MGAT4C: variants seen among roughly 807,000 people sequenced by gnomAD.
MGAT4C encodes alpha-1,3-mannosyl-glycoprotein 4-beta-N-acetylglucosaminyltransferase C.
A neutral mutation model predicts 40.1 loss-of-function variants in MGAT4C; 19 were observed. That is an observed-to-expected ratio of 0.47 (90% CI 0.33 to 0.70). The LOEUF (loss-of-function observed/expected upper bound fraction) is 0.70, where lower values mean the gene tolerates loss of function less well. Among genes scored for constraint, MGAT4C ranks in the 30% least tolerant of loss-of-function variants. MGAT4C has a pLI of 0.02. For synonymous variants in MGAT4C, 181 were observed against 187.1 expected (o/e 0.97, Z 0.27); for missense variants, 491 against 563.2 (o/e 0.87, Z 1.30).
intron 1 of MGAT4C, among the ~76,000 whole-genome samples, chr12:86,748,030 C>T (rs906356263): frequency 6.6e-6 from 1 of 151,660 alleles, no homozygotes; most frequent in African/African-American, 2.4e-5. Flanking sequence ...AATTAGGAAC[C>T]AAGCCCTGTT....
chr12:86,680,729 G>A (rs1949967133), intron 2 of MGAT4C, among the ~76,000 whole-genome samples: 1 of 151,872 alleles, frequency 6.6e-6, no homozygotes, highest in Admixed American at 6.6e-5. Flanking sequence ...GTGCTCCGAA[G>A]GTAAATCCAT....
At chr12:86,108,489 T>C (rs1316315822) in intron 1 of MGAT4C, among the ~76,000 whole-genome samples, 1 of 152,010 alleles carries the variant, frequency 6.6e-6, no homozygotes, top group Non-Finnish European at 1.5e-5. Context: ...TACAACTCAC[T>C]CAGCTTACAA....
At chr12:86,691,864 T>C (rs1040367719) in intron 2 of MGAT4C, among the ~76,000 whole-genome samples, 4 of 152,206 alleles carry the variant, frequency 2.6e-5, no homozygotes, top group Admixed American at 2.6e-4. Flanking sequence ...TATTTTAAAA[T>C]ATCTGCATTA....
At chr12:86,363,363 A>C (rs1237397564) in intron 3 of MGAT4C, among the ~76,000 whole-genome samples, 1 of 152,140 alleles carries the variant, frequency 6.6e-6, no homozygotes, top group East Asian at 1.9e-4. Flanking sequence ...CTTGAAAATA[A>C]TTTATAAGTC....
intron 1 of MGAT4C, among the ~76,000 whole-genome samples, chr12:86,748,000 T>G (rs1368511565): frequency 1.3e-5 from 2 of 151,608 alleles, no homozygotes; most frequent in Non-Finnish European, 3.0e-5. Flanking sequence ...TTGATTAGCA[T>G]CAATACTAAA....
intron 2 of MGAT4C, among the ~76,000 whole-genome samples, chr12:86,510,567 C>A (rs914370132): frequency 2.0e-5 from 3 of 152,078 alleles, no homozygotes; most frequent in Non-Finnish European, 4.4e-5. Context: ...AGAGTCAAGA[C>A]CCATCTGGGT....
chr12:86,618,827 T>C (rs1400535270), intron 2 of MGAT4C, among the ~76,000 whole-genome samples: 4 of 152,090 alleles, frequency 2.6e-5, no homozygotes, highest in African/African-American at 7.2e-5. Flanking sequence ...AAATTTGAAA[T>C]GTTCCCCACA....
intron 4 of MGAT4C, among the ~76,000 whole-genome samples, chr12:86,305,890 A>T (rs1250047629): frequency 6.6e-6 from 1 of 150,500 alleles, no homozygotes; most frequent in Non-Finnish European, 1.5e-5. Flanking sequence ...ATCAGTGGAT[A>T]TGGAGGGGTG....
chr12:86,390,188 C>T (rs1473442493), intron 3 of MGAT4C, among the ~76,000 whole-genome samples: 1 of 152,154 alleles, frequency 6.6e-6, no homozygotes, highest in Non-Finnish European at 1.5e-5. Flanking sequence ...TGTTGACTCA[C>T]AGCCCTGTGA....
chr12:86,794,291 G>T (rs1952075633), intron 1 of MGAT4C, among the ~76,000 whole-genome samples: 1 of 151,396 alleles, frequency 6.6e-6, no homozygotes, highest in Admixed American at 6.6e-5. Context: ...TAATAATCTT[G>T]CTCAAATAAA....
intron 2 of MGAT4C, among the ~76,000 whole-genome samples, chr12:86,682,402 GT>G (rs1175860000): frequency 6.6e-6 from 1 of 151,972 alleles, no homozygotes; most frequent in East Asian, 1.9e-4. Flanking sequence ...TGAAAGGCAT[GT>G]TTCTTACTCT....
At chr12:86,802,508 T>G (rs367970973) in intron 1 of MGAT4C, among the ~76,000 whole-genome samples, 1 of 152,020 alleles carries the variant, frequency 6.6e-6, no homozygotes, top group African/African-American at 2.4e-5. Context: ...TAGCAGAATA[T>G]ATAATACATC....
chr12:86,714,781 G>GGAAA (rs779085605), intron 2 of MGAT4C, among the ~76,000 whole-genome samples: 256 of 144,038 alleles, frequency 1.8e-3, no homozygotes, highest in Non-Finnish European at 3.2e-3. Context: ...GAAAAAGGAA[G>GGAAA]GAAGGAAGGA....
intron 1 of MGAT4C, among the ~76,000 whole-genome samples, chr12:86,817,120 TTC>T (rs1475849873): frequency 6.6e-6 from 1 of 150,972 alleles, no homozygotes; most frequent in East Asian, 1.9e-4. Context: ...TTTTCAAACA[TTC>T]TTTTTTCATG....
chr12:86,650,886 C>A (rs1593080150), intron 2 of MGAT4C, among the ~76,000 whole-genome samples: 1 of 151,848 alleles, frequency 6.6e-6, no homozygotes. Flanking sequence ...AATGTACAGT[C>A]CTGCTGCAAT....
chr12:86,541,576 T>C (rs1280429542), intron 2 of MGAT4C, among the ~76,000 whole-genome samples: 3 of 152,182 alleles, frequency 2.0e-5, no homozygotes, highest in African/African-American at 7.2e-5. Context: ...CATTAATCAA[T>C]TGCTTGACAA....
At chr12:86,328,203 T>G (rs1357622009) in intron 4 of MGAT4C, among the ~76,000 whole-genome samples, 1 of 152,164 alleles carries the variant, frequency 6.6e-6, no homozygotes, top group African/African-American at 2.4e-5. Flanking sequence ...ATTAATGGTA[T>G]ATGTGAAAAA....
At chr12:86,244,321 A>G (rs567865444) in intron 1 of MGAT4C, among the ~76,000 whole-genome samples, 1 of 152,234 alleles carries the variant, frequency 6.6e-6, no homozygotes, top group South Asian at 2.1e-4. Flanking sequence ...TGTTTTACCA[A>G]CACCATTGGG....
At chr12:86,604,335 C>A (rs953012892) in intron 2 of MGAT4C, among the ~76,000 whole-genome samples, 8 of 152,084 alleles carry the variant, frequency 5.3e-5, no homozygotes, top group Non-Finnish European at 1.5e-5. Context: ...TCTGATGACC[C>A]AGCTTTGATT....
Sources: allele counts gnomAD v4.1 joint callset (sites outside exome capture counted in the v4.1 genomes callset), GRCh38; gene constraint gnomAD v4.1.1; transcripts MANE v1.5; gene names NCBI Gene and HGNC (gene_info 2026-07-23, HGNC 2026-07-21).